The following GFRAL variants were observed in gnomAD, a reference collection of about 807,000 sequenced individuals.
GFRAL encodes the protein GDNF family receptor alpha like.
GFRAL carries 36 observed loss-of-function variants against 45.4 expected under a neutral mutation model. The ratio of observed to expected loss-of-function variants is 0.79; its 90% confidence interval spans 0.61 to 1.05. The LOEUF (loss-of-function observed/expected upper bound fraction) is 1.05, where lower values mean the gene tolerates loss of function less well. Among genes scored for constraint, GFRAL ranks in the 50% least tolerant of loss-of-function variants. The pLI, the probability that GFRAL is intolerant of heterozygous loss-of-function variation, is 0.00. For synonymous variants in GFRAL, 166 were observed against 154.1 expected (o/e 1.08, Z -0.57); for missense variants, 507 against 467.5 (o/e 1.08, Z -0.78).
intron 5 of GFRAL, among the ~76,000 whole-genome samples, chr6:55,357,810 C>T (rs1430084018): frequency 6.6e-6 from 1 of 151,446 alleles, no homozygotes; most frequent in Non-Finnish European, 1.5e-5. Flanking sequence ...AGTAGATAAA[C>T]CATGCAATTT....
intron 5 of GFRAL, 70 bp from the exon 6 acceptor site, chr6:55,358,818 A>G (rs941558678): frequency 7.0e-7 from 1 of 1,429,108 alleles, no homozygotes; most frequent in East Asian, 2.3e-5. Context: ...TCATTAGGTG[A>G]GGGGGGATCA....
At chr6:55,375,983 T>C (rs1768529343) in intron 6 of GFRAL, among the ~76,000 whole-genome samples, 1 of 152,134 alleles carries the variant, frequency 6.6e-6, no homozygotes, top group Non-Finnish European at 1.5e-5. Flanking sequence ...AGTATAATAT[T>C]GGTTGTGGAT....
chr6:55,358,416 A>C (rs76018713), intron 5 of GFRAL, among the ~76,000 whole-genome samples: 7,633 of 152,020 alleles, frequency 0.05, 287 homozygotes, highest in African/African-American at 0.094. Flanking sequence ...TGTAAATTCT[A>C]ATTAGTCTGT....
At chr6:55,363,885 T>C (rs371542301) in intron 6 of GFRAL, among the ~76,000 whole-genome samples, 1 of 151,300 alleles carries the variant, frequency 6.6e-6, no homozygotes, top group Non-Finnish European at 1.5e-5. Context: ...GTGAATAATG[T>C]CGCAATAAAC....
At chr6:55,333,172 G>A (rs376889357) in intron 2 of GFRAL, among the ~76,000 whole-genome samples, 7 of 152,062 alleles carry the variant, frequency 4.6e-5, no homozygotes, top group African/African-American at 1.4e-4. Context: ...TGAAATATGC[G>A]TATTCTCAAA....
chr6:55,338,949 A>T (rs1767925568), intron 3 of GFRAL, among the ~76,000 whole-genome samples: 6 of 152,182 alleles, frequency 3.9e-5, no homozygotes, highest in Non-Finnish European at 2.9e-5. Context: ...AAAAGTTATC[A>T]CAGGCAATAA....
At chr6:55,365,084 T>C (rs1171675069) in intron 6 of GFRAL, among the ~76,000 whole-genome samples, 2 of 151,562 alleles carry the variant, frequency 1.3e-5, no homozygotes, top group Non-Finnish European at 2.9e-5. Flanking sequence ...TGGAATGTTC[T>C]TCCATTTGTT....
chr6:55,394,457 A>G (rs969819013), intron 6 of GFRAL, among the ~76,000 whole-genome samples: 2 of 152,206 alleles, frequency 1.3e-5, no homozygotes, highest in Non-Finnish European at 1.5e-5. Context: ...ATGACCAAGT[A>G]GGCCTTAGCT....
At position 55,359,164 on chromosome 6, in the gene GFRAL, G is replaced by A. The variant is rs74873193; in HGVS notation, c.952+26G>A. 47 of 1,370,122 alleles carry A rather than the reference G, an allele frequency of 3.4e-5. 1 individual carries two copies. Among genetic ancestry groups the A allele is most frequent in the South Asian group, 1.3e-4 (11 of 82,692 alleles). 84.9% of individuals were successfully genotyped at this position (1,370,122 alleles called of 1,614,324 possible). On this transcript the variant is annotated intron_variant, in intron 6 of 8. Coordinates refer to ENST00000340465, the MANE Select transcript of GFRAL (RefSeq NM_207410.2). ...GTAAGTTCCCCAAATAAAATTATCTGTCTATCTATCTATCTATCTATCATC... is the reference window on the plus strand; with the variant it reads ...GTAAGTTCCCCAAATAAAATTATCTATCTATCTATCTATCTATCTATCATC...
chr6:55,360,637 G>GAAA (rs1768261883), intron 6 of GFRAL, among the ~76,000 whole-genome samples: 1 of 151,838 alleles, frequency 6.6e-6, no homozygotes, highest in Non-Finnish European at 1.5e-5. Context: ...TATTTCAACT[G>GAAA]AAATCACGAT....
rs146983565 is a variant in GFRAL at position 55,380,729 on chromosome 6, C to T, written c.953-18451C>T. 4.3e-3 allele frequency among the ~76,000 whole-genome samples: 655 copies of T among 152,038 alleles called. 5 individuals are homozygous for T. The highest frequency in any genetic ancestry group is 0.014 in the African/African-American group (575 of 41,512). On this transcript the variant is annotated intron_variant, in intron 6 of 8. Coordinates refer to ENST00000340465, the MANE Select transcript of GFRAL (RefSeq NM_207410.2). The stretch of plus-strand genomic sequence containing the variant: ...GCCTGCTTCACTCCAGTGCCCAAAA[C>T]AATTGTTGGTACACATTAGCCACTC...
chr6:55,366,593 C>A lies in GFRAL; in HGVS notation c.952+7455C>A, dbSNP rs1302767107. 1.5e-4 allele frequency among the ~76,000 whole-genome samples: 21 copies of A among 136,654 alleles called. 2 individuals are homozygous for A. Among genetic ancestry groups the A allele is most frequent in the African/African-American group, 6.3e-4 (21 of 33,196 alleles). The allele number at this position is 136,654 out of a possible 152,430, so 89.7% of individuals were successfully genotyped here. On this transcript the variant is annotated intron_variant, in intron 6 of 8. Transcript: ENST00000340465. ...GTGGGCATTTAGTCCTATAAATTTC[C>A]CTCTACACACTGCTTTGAATGTGTC...
rs1391195956 is a variant in GFRAL at position 55,399,294 on chromosome 6, C to T, written c.1048+19C>T. The T allele has an allele frequency of 3.9e-6, 6 of 1,521,184 alleles. No individual in the cohort carries two copies. Among genetic ancestry groups the T allele is most frequent in the East Asian group, 2.3e-5 (1 of 43,044 alleles). The allele number at this position is 1,521,184 out of a possible 1,614,324, so 94.2% of individuals were successfully genotyped here. A position where few individuals can be genotyped will look rare whatever the true frequency, so the allele number is the denominator to read the frequency against. Reference sequence around the variant, plus strand: ...TTCAATGGTCAGTTAAAAATCAATCCTCTATAATATTTATATTATTTATTT... The same window carrying T: ...TTCAATGGTCAGTTAAAAATCAATCTTCTATAATATTTATATTATTTATTT... On this transcript the variant is annotated intron_variant, in intron 7 of 8. Coordinates refer to ENST00000340465, the MANE Select transcript of GFRAL (RefSeq NM_207410.2).
intron 6 of GFRAL, among the ~76,000 whole-genome samples, chr6:55,363,543 C>T (rs1400781891): frequency 2.0e-5 from 3 of 148,488 alleles, no homozygotes; most frequent in Non-Finnish European, 4.5e-5. Flanking sequence ...CCCACTAAAT[C>T]GTCATCTAGC....
At chr6:55,366,695 T>G (rs1380948219) in intron 6 of GFRAL, among the ~76,000 whole-genome samples, 2 of 102,132 alleles carry the variant, frequency 2.0e-5, no homozygotes, top group Admixed American at 9.6e-5. Context: ...CATTTCGTTA[T>G]GTACCCAGTA....
intron 3 of GFRAL, among the ~76,000 whole-genome samples, chr6:55,344,661 A>G (rs569394950): frequency 2.0e-4 from 31 of 152,300 alleles, no homozygotes; most frequent in Non-Finnish European, 4.0e-4. Context: ...CACCACTCCT[A>G]TTCAACATAG....
At position 55,343,259 on chromosome 6, in the gene GFRAL, T is replaced by C. The variant is rs537880235; in HGVS notation, c.317-6833T>C. Among the ~76,000 whole-genome samples the C allele has an allele frequency of 5.5e-4, 84 of 152,226 alleles. 2 individuals are homozygous for C. In the South Asian group the frequency reaches 0.011, roughly 19 times the overall value. Reference sequence around the variant, plus strand: ...GCACCATATCACACTTATTCGAAAATTGACCACATAGTTGGAAGTAAAGCA... The same window carrying C: ...GCACCATATCACACTTATTCGAAAACTGACCACATAGTTGGAAGTAAAGCA... On this transcript the variant is annotated intron_variant, in intron 3 of 8. Coordinates refer to ENST00000340465, the MANE Select transcript of GFRAL (RefSeq NM_207410.2).
chr6:55,371,020 A>C (rs535429828), intron 6 of GFRAL, among the ~76,000 whole-genome samples: 1 of 152,318 alleles, frequency 6.6e-6, no homozygotes, highest in East Asian at 1.9e-4. Flanking sequence ...CCATCCTGCA[A>C]CTGCTGCCAG....
At chr6:55,380,110 A>G (rs1237582345) in intron 6 of GFRAL, among the ~76,000 whole-genome samples, 3 of 151,996 alleles carry the variant, frequency 2.0e-5, no homozygotes, top group Admixed American at 2.0e-4. Flanking sequence ...TCTTCAGCAC[A>G]CTAATTTCAC....
Sources: allele counts gnomAD v4.1 joint callset (sites outside exome capture counted in the v4.1 genomes callset), GRCh38; gene constraint gnomAD v4.1.1; transcripts MANE v1.5; gene names NCBI Gene and HGNC (gene_info 2026-07-23, HGNC 2026-07-21).